The following PDXK variants were observed in gnomAD, a reference collection of about 807,000 sequenced individuals.
The protein encoded by PDXK is epididymis secretory sperm binding protein Li 1a.
In PDXK, 15 loss-of-function variants were observed where a neutral mutation model predicts 43.2. The observed-to-expected ratio is 0.35, with a 90% CI of 0.23 to 0.53. The LOEUF is 0.53. Ranked by LOEUF, PDXK falls within the 20% of genes least tolerant of loss-of-function variation. The pLI, the probability that PDXK is intolerant of heterozygous loss-of-function variation, is 0.92. For synonymous variants in PDXK, 172 were observed against 165.4 expected, an observed-to-expected ratio of 1.04 and a Z score of -0.31; for missense variants, 343 against 417.0, an observed-to-expected ratio of 0.82 and a Z score of 1.54.
rs2083368826 is a variant in PDXK, at chr21:43,734,268, C to G, written c.142+145C>G. The G allele has an allele frequency of 5.3e-6, 4 of 758,844 alleles. No homozygotes were observed. The Admixed American group carries it at 8.1e-5, about 15-fold the overall frequency. The allele number at this position is 758,844 out of a possible 1,614,324, so 47.0% of individuals were successfully genotyped here. A position where few individuals can be genotyped will look rare whatever the true frequency, so the allele number is the denominator to read the frequency against. On this transcript the variant is annotated intron_variant, in intron 2 of 10. Transcript: ENST00000291565. This position sits in a 1 kb window ranked among gnomAD's most constrained non-coding sequence, Gnocchi z 5.0. Reference sequence around the variant, plus strand: ...CGGGGACCTGGAGTCCTGGGCGTCGCTCGGGCAGAGCCTGCACAGCATATC... The same window carrying G: ...CGGGGACCTGGAGTCCTGGGCGTCGGTCGGGCAGAGCCTGCACAGCATATC...
Position 43,732,199 on chromosome 21 carries a change from A to G in PDXK, c.88-1870A>G. ...GCCTGGGAGGGAGCCACTGCTGTAC[A>G]GAGATGCCAATTCCAGAGGCATGGT... On this transcript the variant is annotated intron_variant, in intron 1 of 10. Coordinates refer to ENST00000291565, the MANE Select transcript of PDXK (RefSeq NM_003681.5). This position sits in a 1 kb window ranked among gnomAD's most constrained non-coding sequence, Gnocchi z 4.1. The G allele has an allele frequency of 7.0e-7, 1 of 1,435,706 alleles. No homozygotes were observed. The highest frequency in any genetic ancestry group is 9.1e-7 in the Non-Finnish European group (1 of 1,100,500). 88.9% of individuals were successfully genotyped at this position (1,435,706 alleles called of 1,614,324 possible). A position where few individuals can be genotyped will look rare whatever the true frequency, so the allele number is the denominator to read the frequency against.
intron 3 of PDXK, among the ~76,000 whole-genome samples, chr21:43,742,129 A>G (rs192065805): frequency 1.3e-5 from 2 of 152,226 alleles, no homozygotes; most frequent in East Asian, 3.9e-4. Flanking sequence ...GTACACTGCC[A>G]TCCTTTGTCA....
chr21:43,732,195 G>A lies in PDXK; in HGVS notation c.88-1874G>A, dbSNP rs1216138564. The A allele has an allele frequency of 2.1e-6, 3 of 1,434,100 alleles. No individual in the cohort carries two copies. In the East Asian group the frequency reaches 7.5e-5, roughly 36 times the overall value. The allele number at this position is 1,434,100 out of a possible 1,614,324, so 88.8% of individuals were successfully genotyped here. ...TGGTGCCTGGGAGGGAGCCACTGCT[G>A]TACAGAGATGCCAATTCCAGAGGCA... On this transcript the variant is annotated intron_variant, in intron 1 of 10. Coordinates refer to ENST00000291565, the MANE Select transcript of PDXK (RefSeq NM_003681.5). This position sits in a 1 kb window ranked among gnomAD's most constrained non-coding sequence, Gnocchi z 4.1.
chr21:43,752,126 T>TGC (rs376399079), intron 7 of PDXK, among the ~76,000 whole-genome samples: 2,639 of 130,676 alleles, frequency 0.02, 29 homozygotes, highest in Middle Eastern at 0.085. Context: ...TGTGTGTGTG[T>TGC]GCGCGCGCGT....
intron 5 of PDXK, among the ~76,000 whole-genome samples, chr21:43,746,698 C>T (rs1034567521): frequency 6.6e-6 from 1 of 152,172 alleles, no homozygotes; most frequent in African/African-American, 2.4e-5. Context: ...GGATTACAGG[C>T]ATGAGCCACC....
chr21:43,722,760 C>G (rs1194086204), intron 1 of PDXK, among the ~76,000 whole-genome samples: 1 of 152,240 alleles, frequency 6.6e-6, no homozygotes, highest in Non-Finnish European at 1.5e-5. Context: ...TAAAAGTCCA[C>G]TTAACATGGG....
intron 4 of PDXK, 55 bp downstream of exon 4, chr21:43,743,862 G>C: frequency 7.8e-7 from 1 of 1,285,568 alleles, no homozygotes; most frequent in Non-Finnish European, 1.1e-6. Flanking sequence ...GGGTGGGGCT[G>C]GCCTGGGAGC....
chr21:43,733,938 C>T (rs1156425827), intron 1 of PDXK, 131 bp from the exon 2 acceptor site: 2 of 820,986 alleles, frequency 2.4e-6, no homozygotes, highest in Non-Finnish European at 4.1e-6. Flanking sequence ...GTCAGCCCTC[C>T]AGCCTGCAGC....
Position 43,738,935 on chromosome 21 carries a change from C to CTT in PDXK, c.143-2718_143-2717dup, listed in dbSNP as rs35979481. 7.2e-3 allele frequency: 999 copies of CTT among 137,872 alleles called. 8 individuals carry two copies. Among genetic ancestry groups the CTT allele is most frequent in the African/African-American group, 0.02 (766 of 37,398 alleles). 8.5% of individuals were successfully genotyped at this position (137,872 alleles called of 1,614,324 possible). A position where few individuals can be genotyped will look rare whatever the true frequency, so the allele number is the denominator to read the frequency against. On this transcript the variant is annotated intron_variant, in intron 2 of 10. Coordinates refer to ENST00000291565, the MANE Select transcript of PDXK (RefSeq NM_003681.5). ...TACCTTTATGAACTCTTTTCTTTTTCTTTTTTTTTTTTTTTGGAGACGGAG... is the reference window on the plus strand; with the variant it reads ...TACCTTTATGAACTCTTTTCTTTTTCTTTTTTTTTTTTTTTTTGGAGACGGAG...
intron 1 of PDXK, among the ~76,000 whole-genome samples, chr21:43,731,731 T>G (rs898361641): frequency 1.3e-5 from 2 of 151,068 alleles, no homozygotes; most frequent in Non-Finnish European, 2.9e-5. Flanking sequence ...CCCTTGTGGG[T>G]GGGGAAAGAT....
At chr21:43,731,789 A>G (rs2083321571) in intron 1 of PDXK, among the ~76,000 whole-genome samples, 2 of 152,232 alleles carry the variant, frequency 1.3e-5, no homozygotes, top group South Asian at 4.1e-4. Flanking sequence ...CCAGAGCAAC[A>G]ATCGTAGAGG....
At position 43,735,992 on chromosome 21, in the gene PDXK, C is replaced by T. The variant is rs910678435; in HGVS notation, c.142+1869C>T. Among the ~76,000 whole-genome samples the T allele has an allele frequency of 2.6e-5, 4 of 152,222 alleles. No homozygotes were observed. Among genetic ancestry groups the T allele is most frequent in the African/African-American group, 7.2e-5 (3 of 41,460 alleles). ...TGGTCAAGACGGGGGACTCGGCCTC[C>T]TCCGTGCAGCCCCTCAGCCCCTCTG... is the stretch of plus-strand genomic sequence containing the variant. On this transcript the variant is annotated intron_variant, in intron 2 of 10. Transcript: ENST00000291565. This position sits in a 1 kb window ranked among gnomAD's most constrained non-coding sequence, Gnocchi z 5.3.
rs376011403 is a variant in PDXK, at chr21:43,726,805, C to T, written c.88-7264C>T. ...GTGTATGTGGGTGTGCATGTGTGTACGTGGTGTGTTTGTGTACACTGTGTG... is the reference window on the plus strand; with the variant it reads ...GTGTATGTGGGTGTGCATGTGTGTATGTGGTGTGTTTGTGTACACTGTGTG... On this transcript the variant is annotated intron_variant, in intron 1 of 10. Transcript: ENST00000291565. Among the ~76,000 whole-genome samples the T allele has an allele frequency of 1.2e-4, 18 of 151,936 alleles. No homozygotes were observed. The South Asian group carries it at 2.3e-3, about 19-fold the overall frequency.
chr21:43,753,638 G>A lies in PDXK; in HGVS notation c.678G>A (p.Val226=), dbSNP rs764118392. 1.5e-5 allele frequency: 25 copies of A among 1,613,702 alleles called. No individual in the cohort carries two copies. The highest frequency in any genetic ancestry group is 1.9e-5 in the Non-Finnish European group (23 of 1,179,824). ...MERIRMDIRK[V]DAVFVGTGDL... ...GCATCCGGATGGACATTCGCAAAGT[G>A]GACGCCGTCTTTGTGGGCACTGGGG... The change falls in exon 9 of 11, where the codon GTG becomes GTA. Residue 226 remains valine (V), a synonymous_variant. Coordinates refer to ENST00000291565, the MANE Select transcript of PDXK (RefSeq NM_003681.5).
At chr21:43,741,813 A>C (rs769120705) in intron 3 of PDXK, 42 bp downstream of exon 3, 3 of 1,348,764 alleles carry the variant, frequency 2.2e-6, no homozygotes, top group Non-Finnish European at 3.2e-6. Flanking sequence ...TACGCACCCC[A>C]CTCCAGCCAG....
rs139564291 is a variant in PDXK, at chr21:43,722,527, A to G, written c.87+3146A>G. Among the ~76,000 whole-genome samples, 118 of 152,348 alleles carry G rather than the reference A, an allele frequency of 7.7e-4. 2 individuals are homozygous for G. The highest frequency in any genetic ancestry group is 2.8e-3 in the African/African-American group (116 of 41,582). The stretch of plus-strand genomic sequence containing the variant: ...AGGAGTTTGCCCGGACTGCCAAAAC[A>G]AAGTACCACAAACCAGGTTGCTCAT... On this transcript the variant is annotated intron_variant, in intron 1 of 10. Coordinates refer to ENST00000291565, the MANE Select transcript of PDXK (RefSeq NM_003681.5).
intron 5 of PDXK, chr21:43,748,225 C>A (rs909618546): frequency 6.6e-6 from 1 of 152,326 alleles, no homozygotes; most frequent in Non-Finnish European, 1.5e-5. Flanking sequence ...GGCACAGTGG[C>A]TCACGCCTGT....
rs1449245582 is a variant in PDXK, at chr21:43,737,808, C to T, written c.142+3685C>T. ...CAGGAGTGCCAGGCTCCTTGGGCCG[C>T]CCGAGGAACCGCTTGTTTGCCTGTG... On this transcript the variant is annotated intron_variant, in intron 2 of 10. Coordinates refer to ENST00000291565, the MANE Select transcript of PDXK (RefSeq NM_003681.5). This position sits in a 1 kb window ranked among gnomAD's most constrained non-coding sequence, Gnocchi z 4.8. The T allele has an allele frequency of 3.0e-6, 3 of 985,394 alleles. No individual in the cohort carries two copies. Among genetic ancestry groups the T allele is most frequent in the East Asian group, 2.3e-4 (2 of 8,826 alleles). 61.0% of individuals were successfully genotyped at this position (985,394 alleles called of 1,614,324 possible). A position where few individuals can be genotyped will look rare whatever the true frequency, so the allele number is the denominator to read the frequency against.
chr21:43,727,037 GC>G (rs574577243), intron 1 of PDXK, among the ~76,000 whole-genome samples: 1 of 152,122 alleles, frequency 6.6e-6, no homozygotes, highest in Non-Finnish European at 1.5e-5. Flanking sequence ...GTGTTGGCCG[GC>G]CCCCCCGTCT....
Sources: allele counts gnomAD v4.1 joint callset (sites outside exome capture counted in the v4.1 genomes callset), GRCh38; gene constraint gnomAD v4.1.1; non-coding constraint Gnocchi (gnomAD v3.1); transcripts MANE v1.5; gene names NCBI Gene and HGNC (gene_info 2026-07-23, HGNC 2026-07-21).